The following VAC14 variants were observed in gnomAD, a reference collection of about 807,000 sequenced individuals.
VAC14 encodes the protein VAC14 component of PIKFYVE complex, also known as protein VAC14 homolog.
In VAC14, 47 loss-of-function variants were observed where a neutral mutation model predicts 85.3. That is an observed-to-expected ratio of 0.55 (90% CI 0.44 to 0.70). The LOEUF (loss-of-function observed/expected upper bound fraction) is 0.70, where lower values mean the gene tolerates loss of function less well. Ranked by LOEUF, VAC14 falls within the 30% of genes least tolerant of loss-of-function variation. VAC14 has a pLI of 0.00. For synonymous variants in VAC14, 447 were observed against 430.5 expected (o/e 1.04, Z -0.47); for missense variants, 861 against 1,004.3 (o/e 0.86, Z 1.93).
chr16:70,762,776 T>C lies in VAC14; in HGVS notation c.1305+105A>G. 6.4e-7 allele frequency: 1 copy of C among 1,567,138 alleles called. No homozygotes were observed. Among genetic ancestry groups the C allele is most frequent in the African/African-American group, 1.3e-5 (1 of 74,096 alleles). On this transcript the variant is annotated intron_variant, in intron 11 of 18. Coordinates refer to ENST00000261776, the MANE Select transcript of VAC14 (RefSeq NM_018052.5). The surrounding 1 kb of genome is among the most constrained non-coding windows in gnomAD (Gnocchi z 4.1). Reference sequence around the variant, plus strand: ...CTGTCACTTCTCTGCCGGCCAGGGTTTCCCTAGAAGGGCAATGACCAAAAT... The same window carrying C: ...CTGTCACTTCTCTGCCGGCCAGGGTCTCCCTAGAAGGGCAATGACCAAAAT...
At chr16:70,748,344 G>C (rs560497507) in intron 12 of VAC14, among the ~76,000 whole-genome samples, 11 of 152,290 alleles carry the variant, frequency 7.2e-5, no homozygotes, top group African/African-American at 2.6e-4. Flanking sequence ...ATGGACTCCC[G>C]GAGGAGTCAG....
chr16:70,800,499 G>A (rs573317104), intron 1 of VAC14, among the ~76,000 whole-genome samples: 2 of 152,132 alleles, frequency 1.3e-5, no homozygotes, highest in Non-Finnish European at 2.9e-5. Flanking sequence ...GCACCGCACC[G>A]AAGACTCACC....
At chr16:70,774,909 C>G (rs1209049602) in intron 9 of VAC14, among the ~76,000 whole-genome samples, 2 of 151,974 alleles carry the variant, frequency 1.3e-5, no homozygotes, top group Non-Finnish European at 2.9e-5. Context: ...CCATGCCCGG[C>G]TAATTTTTTT....
chr16:70,711,678 G>A (rs1352321440), intron 14 of VAC14, among the ~76,000 whole-genome samples: 1 of 152,184 alleles, frequency 6.6e-6, no homozygotes, highest in Admixed American at 6.5e-5. Flanking sequence ...CTGCTGCCCT[G>A]GGCACGGGCC....
chr16:70,791,540 A>G (rs1050903669), intron 1 of VAC14, among the ~76,000 whole-genome samples: 4 of 152,026 alleles, frequency 2.6e-5, no homozygotes, highest in African/African-American at 9.7e-5. Context: ...GCCTGCCATC[A>G]CGCCTGGCTA....
At chr16:70,690,823 G>C in intron 18 of VAC14, 2 of 985,516 alleles carry the variant, frequency 2.0e-6, no homozygotes, top group Non-Finnish European at 2.4e-6. Context: ...CACTGCTTCT[G>C]TGCCCCTATC....
intron 1 of VAC14, among the ~76,000 whole-genome samples, chr16:70,799,314 A>G (rs2034671173): frequency 6.6e-6 from 1 of 152,156 alleles, no homozygotes; most frequent in Non-Finnish European, 1.5e-5. Context: ...CATTCGTGAG[A>G]GTCAGGCATA....
At chr16:70,768,933 TAGG>T in intron 10 of VAC14, 1 of 416,756 alleles carries the variant, frequency 2.4e-6, no homozygotes, top group Non-Finnish European at 4.8e-6. Context: ...CCCAAGTAGC[TAGG>T]AGTACAGGTA....
In VAC14 at chr16:70,782,093, G is replaced by A. The variant is rs1037906063; in HGVS notation, c.812-90C>T. 6 of 1,519,590 alleles carry A rather than the reference G, an allele frequency of 3.9e-6. No individual in the cohort carries two copies. In the African/African-American group the frequency reaches 4.1e-5, roughly 10 times the overall value. 94.1% of individuals were successfully genotyped at this position (1,519,590 alleles called of 1,614,324 possible). A position where few individuals can be genotyped will look rare whatever the true frequency, so the allele number is the denominator to read the frequency against. On this transcript the variant is annotated intron_variant, in intron 7 of 18. Transcript: ENST00000261776. The stretch of plus-strand genomic sequence containing the variant: ...ACCATACACGTGGGATGGGGCTGGC[G>A]GCCTGTGGAACCCAAGCGCCTGACG...
intron 13 of VAC14, among the ~76,000 whole-genome samples, chr16:70,736,469 G>A (rs1297198012): frequency 6.6e-6 from 1 of 152,124 alleles, no homozygotes; most frequent in African/African-American, 2.4e-5. Flanking sequence ...GAAGAAGGGG[G>A]GCCACCTGTG....
intron 18 of VAC14, chr16:70,690,872 G>C: frequency 1.0e-6 from 1 of 985,516 alleles, no homozygotes; most frequent in Non-Finnish European, 1.2e-6. Flanking sequence ...AGTAAGGCTG[G>C]GGGTCCAGGG....
At position 70,730,670 on chromosome 16, in the gene VAC14, T is replaced by C. The variant is rs183323254; in HGVS notation, c.1661+825A>G. On this transcript the variant is annotated intron_variant, in intron 14 of 18. Transcript: ENST00000261776. Reference sequence around the variant, plus strand: ...TGGAGTGCAGTGGTGTGATCTCGGCTCACTGCAACGTCCACCTCCCGGGTT... The same window carrying C: ...TGGAGTGCAGTGGTGTGATCTCGGCCCACTGCAACGTCCACCTCCCGGGTT... 1.4e-4 allele frequency among the ~76,000 whole-genome samples: 20 copies of C among 147,978 alleles called. No individual in the cohort carries two copies. The East Asian group carries it at 3.8e-3, about 28-fold the overall frequency.
intron 15 of VAC14, among the ~76,000 whole-genome samples, chr16:70,698,139 T>C (rs1017984597): frequency 5.3e-5 from 8 of 152,208 alleles, no homozygotes; most frequent in Non-Finnish European, 1.0e-4. Flanking sequence ...ACTTGACACC[T>C]TGGCTTATGA....
At chr16:70,692,549 C>A (rs993702455) in intron 18 of VAC14, among the ~76,000 whole-genome samples, 3 of 152,196 alleles carry the variant, frequency 2.0e-5, no homozygotes, top group Admixed American at 2.0e-4. Flanking sequence ...TTTGCATAGC[C>A]TCACTGAGCT....
chr16:70,723,021 A>G (rs1202238186), intron 14 of VAC14, among the ~76,000 whole-genome samples: 1 of 151,952 alleles, frequency 6.6e-6, no homozygotes, highest in Non-Finnish European at 1.5e-5. Context: ...TTTGAGACCA[A>G]CCTGGCCAAC....
intron 9 of VAC14, among the ~76,000 whole-genome samples, chr16:70,777,165 G>A (rs376148273): frequency 8.6e-4 from 130 of 152,000 alleles, no homozygotes; most frequent in Non-Finnish European, 1.3e-3. Flanking sequence ...GGCTGGTCTC[G>A]AACTCTTGAC....
chr16:70,696,055 G>A (rs2053700261), intron 16 of VAC14, among the ~76,000 whole-genome samples: 1 of 152,202 alleles, frequency 6.6e-6, no homozygotes, highest in South Asian at 2.1e-4. Flanking sequence ...GGCACACTGT[G>A]GGGAGCCAGG....
intron 1 of VAC14, among the ~76,000 whole-genome samples, chr16:70,794,776 A>T (rs1402249808): frequency 5.9e-5 from 9 of 152,234 alleles, no homozygotes. Flanking sequence ...TAAACAATTT[A>T]AACAGGGTCC....
intron 15 of VAC14, 66 bp downstream of exon 15, chr16:70,698,571 C>G: frequency 1.3e-6 from 2 of 1,589,204 alleles, no homozygotes; most frequent in Non-Finnish European, 1.7e-6. Flanking sequence ...GAGGGGCGGG[C>G]TCACACAGGG....
Sources: gnomAD v4.1 joint callset for allele counts (sites outside exome capture counted in the v4.1 genomes callset) on GRCh38, gnomAD v4.1.1 for gene constraint, Gnocchi (gnomAD v3.1) non-coding constraint, MANE v1.5 for transcripts, NCBI Gene and HGNC (gene_info 2026-07-23, HGNC 2026-07-21) for gene names.